The following ARK2C variants were observed in gnomAD, a reference collection of about 807,000 sequenced individuals.
ARK2C encodes the protein arkadia (RNF111) C-terminal like ring finger ubiquitin ligase 2C.
chr18:46,344,968 G>A, the ARK2C span, among the ~76,000 whole-genome samples: 92 of 152,366 alleles, frequency 6.0e-4, 1 homozygote, highest in Middle Eastern at 3.4e-3. Flanking sequence ...CCCTCAGGAC[G>A]GAGGGGGACA....
chr18:46,449,047 G>A, the ARK2C span, among the ~76,000 whole-genome samples: 4 of 152,156 alleles, frequency 2.6e-5, no homozygotes, highest in African/African-American at 4.8e-5. Context: ...CATTTATTGA[G>A]CACTTACTAC....
At chr18:46,334,877 T>C in the ARK2C span, 1 of 169,176 alleles carries the variant, frequency 5.9e-6, no homozygotes, top group African/African-American at 2.4e-5. This position sits in a 1 kb window ranked among gnomAD's most constrained non-coding sequence, Gnocchi z 4.4. Flanking sequence ...CCCTATCCCA[T>C]GCCCCAGCCC....
the ARK2C span, among the ~76,000 whole-genome samples, chr18:46,414,453 C>T: frequency 0.08 from 12,124 of 152,260 alleles, 992 homozygotes; most frequent in East Asian, 0.39. Flanking sequence ...CACACACACA[C>T]GTGCAGACAT....
At chr18:46,442,359 T>G in the ARK2C span, among the ~76,000 whole-genome samples, 1 of 152,158 alleles carries the variant, frequency 6.6e-6, no homozygotes, top group African/African-American at 2.4e-5. Flanking sequence ...AAAACTGAAT[T>G]TTTCTTTAAG....
At chr18:46,431,214 G>T in the ARK2C span, among the ~76,000 whole-genome samples, 3 of 152,250 alleles carry the variant, frequency 2.0e-5, no homozygotes, top group Admixed American at 6.5e-5. Flanking sequence ...CCCTGCAAAG[G>T]ACATGATTCT....
chr18:46,338,881 C>T, the ARK2C span, among the ~76,000 whole-genome samples: 4 of 152,330 alleles, frequency 2.6e-5, no homozygotes, highest in Non-Finnish European at 5.9e-5. Context: ...CTCCCCGGCT[C>T]ACCCTGCTCC....
the ARK2C span, chr18:46,336,500 G>A: frequency 7.1e-6 from 7 of 985,262 alleles, no homozygotes; most frequent in Non-Finnish European, 8.4e-6. Flanking sequence ...GTAAAATTTC[G>A]CAGAATGTGA....
the ARK2C span, among the ~76,000 whole-genome samples, chr18:46,421,125 C>T: frequency 1.3e-5 from 2 of 152,236 alleles, no homozygotes; most frequent in African/African-American, 4.8e-5. Flanking sequence ...CGTCCTGGGT[C>T]TCCTCAGTTC....
chr18:46,359,605 T>C, the ARK2C span, among the ~76,000 whole-genome samples: 1 of 152,168 alleles, frequency 6.6e-6, no homozygotes, highest in Non-Finnish European at 1.5e-5. Context: ...TGAAAGCCCA[T>C]GTATGAGCTA....
chr18:46,373,308 C>A, the ARK2C span, among the ~76,000 whole-genome samples: 5 of 152,242 alleles, frequency 3.3e-5, no homozygotes, highest in Admixed American at 6.5e-5. Flanking sequence ...CAGAGCTTGC[C>A]CAGTGCTTTC....
At chr18:46,406,614 C>A in the ARK2C span, among the ~76,000 whole-genome samples, 3 of 152,194 alleles carry the variant, frequency 2.0e-5, no homozygotes, top group African/African-American at 7.2e-5. Context: ...GAGGCTGGGG[C>A]CCCAGGCTGA....
At chr18:46,428,374 A>T in the ARK2C span, among the ~76,000 whole-genome samples, 1 of 152,222 alleles carries the variant, frequency 6.6e-6, no homozygotes, top group African/African-American at 2.4e-5. Context: ...GTGCCACTGC[A>T]CTTCAGCCTG....
the ARK2C span, among the ~76,000 whole-genome samples, chr18:46,358,888 A>T: frequency 1.3e-5 from 2 of 152,286 alleles, no homozygotes; most frequent in East Asian, 3.9e-4. Context: ...TGACTTAAAG[A>T]CCACAGTGAG....
At chr18:46,433,275 T>C in the ARK2C span, 20 of 1,610,618 alleles carry the variant, frequency 1.2e-5, no homozygotes, top group Non-Finnish European at 1.6e-5. Flanking sequence ...AGCAGCTCGC[T>C]CCCGACTTCC....
the ARK2C span, among the ~76,000 whole-genome samples, chr18:46,376,664 C>CT: frequency 0.47 from 33,304 of 71,238 alleles, 10,739 homozygotes; most frequent in Non-Finnish European, 0.53. Context: ...GGTTAATAAT[C>CT]TTTTTTTTTT....
At chr18:46,367,933 T>C in the ARK2C span, among the ~76,000 whole-genome samples, 105 of 152,342 alleles carry the variant, frequency 6.9e-4, no homozygotes, top group African/African-American at 2.5e-3. Flanking sequence ...TGATGCCCAG[T>C]TACGGTTGAG....
the ARK2C span, among the ~76,000 whole-genome samples, chr18:46,414,791 G>A: frequency 6.6e-6 from 1 of 152,188 alleles, no homozygotes; most frequent in Non-Finnish European, 1.5e-5. Flanking sequence ...GCAGGTTGCA[G>A]AGGCCTCTGG....
chr18:46,395,181 C>T, the ARK2C span, among the ~76,000 whole-genome samples: 12 of 152,214 alleles, frequency 7.9e-5, no homozygotes, highest in African/African-American at 1.4e-4. Flanking sequence ...TCCAGTACCA[C>T]GTTTGCTATT....
chr18:46,433,235 G>T, the ARK2C span: 4 of 1,604,774 alleles, frequency 2.5e-6, no homozygotes, highest in Non-Finnish European at 3.4e-6. Context: ...ACCTCCTGCC[G>T]CCACTTCCAC....
Sources: allele counts gnomAD v4.1 joint callset (sites outside exome capture counted in the v4.1 genomes callset), GRCh38; gene constraint gnomAD v4.1.1; non-coding constraint Gnocchi (gnomAD v3.1); transcripts MANE v1.5; gene names NCBI Gene and HGNC (gene_info 2026-07-23, HGNC 2026-07-21).